CADM1: variants seen among roughly 807,000 people sequenced by gnomAD.
CADM1 encodes the protein TSLC-1.
Under a neutral mutation model 53.1 loss-of-function variants are expected in CADM1, and 15 were observed. That is an observed-to-expected ratio of 0.28 (90% CI 0.19 to 0.44). The LOEUF is 0.44. Ranked by LOEUF, CADM1 falls within the 20% of genes least tolerant of loss-of-function variation. CADM1 has a pLI of 1.00. For missense variants in CADM1, 434 were observed against 611.3 expected, an observed-to-expected ratio of 0.71 and a Z score of 3.06; for synonymous variants, 281 against 243.0, an observed-to-expected ratio of 1.16 and a Z score of -1.45.
intron 1 of CADM1, among the ~76,000 whole-genome samples, chr11:115,404,123 C>T (rs1465184036): frequency 6.8e-6 from 1 of 147,682 alleles, no homozygotes; most frequent in African/African-American, 2.5e-5. Flanking sequence ...GTCAGATGTT[C>T]GAGACCAGCC....
chr11:115,474,704 G>T (rs56125359), intron 1 of CADM1, among the ~76,000 whole-genome samples: 1 of 129,062 alleles, frequency 7.7e-6, no homozygotes, highest in Non-Finnish European at 1.6e-5. Context: ...GTCGTGGGGT[G>T]GGGGGAGGGG....
intron 1 of CADM1, among the ~76,000 whole-genome samples, chr11:115,257,764 T>C (rs1480537292): frequency 6.6e-6 from 1 of 152,234 alleles, no homozygotes; most frequent in Non-Finnish European, 1.5e-5. Context: ...CTTAGCTCTA[T>C]GCCAGGCCAC....
chr11:115,333,706 C>T (rs1229105100), intron 1 of CADM1: 1 of 152,146 alleles, frequency 6.6e-6, no homozygotes, highest in Admixed American at 6.6e-5. Flanking sequence ...GCAAGCAGCT[C>T]TACTGTGGGC....
intron 1 of CADM1, among the ~76,000 whole-genome samples, chr11:115,267,142 A>C (rs569772953): frequency 1.3e-5 from 2 of 152,372 alleles, no homozygotes; most frequent in South Asian, 2.1e-4. Flanking sequence ...GCTGCCATGC[A>C]CTGAGGTGAT....
At chr11:115,263,189 T>C (rs1255658705) in intron 1 of CADM1, among the ~76,000 whole-genome samples, 2 of 152,254 alleles carry the variant, frequency 1.3e-5, no homozygotes, top group Non-Finnish European at 2.9e-5. Flanking sequence ...GTCAAGGTGA[T>C]GTATGCCAGG....
intron 1 of CADM1, chr11:115,445,821 G>T: frequency 2.2e-6 from 1 of 448,826 alleles, no homozygotes; most frequent in Non-Finnish European, 4.5e-6. Context: ...CTCCAGCCTG[G>T]GTGATGAAGT....
intron 1 of CADM1, among the ~76,000 whole-genome samples, chr11:115,288,412 A>C (rs1943789006): frequency 6.6e-6 from 1 of 152,210 alleles, no homozygotes; most frequent in Admixed American, 6.5e-5. Context: ...TATGAAATCA[A>C]CAATCACCTT....
rs1380372595 is a variant in CADM1 at position 115,404,775 on chromosome 11, T to G, written c.124+99496A>C. On this transcript the variant is annotated intron_variant, in intron 1 of 11. Transcript: ENST00000331581. ...TGGGAGGCTGAGTTGCGGGGATCAC[T>G]TGAGCCCCCGAGGTCAAGACTGCAG... 8.7e-5 allele frequency among the ~76,000 whole-genome samples: 13 copies of G among 149,456 alleles called. No homozygotes were observed. The East Asian group carries it at 2.6e-3, about 30-fold the overall frequency.
intron 11 of CADM1, 36 bp downstream of exon 11, chr11:115,178,608 G>C: frequency 6.2e-7 from 1 of 1,608,656 alleles, no homozygotes; most frequent in African/African-American, 1.3e-5. Context: ...GAAGCTGTGG[G>C]GACACGCTGC....
intron 1 of CADM1, among the ~76,000 whole-genome samples, chr11:115,385,111 A>C (rs1168376683): frequency 1.3e-5 from 2 of 151,636 alleles, no homozygotes; most frequent in Admixed American, 6.6e-5. Flanking sequence ...GAAAACATAC[A>C]TTCATACTCA....
chr11:115,350,356 A>G (rs2135056753), intron 1 of CADM1, among the ~76,000 whole-genome samples: 1 of 152,350 alleles, frequency 6.6e-6, no homozygotes, highest in East Asian at 1.9e-4. Flanking sequence ...TGATTCAGGA[A>G]GTATGTGAAA....
At position 115,254,549 on chromosome 11, in the gene CADM1, AACACACACACACACAC is replaced by A. The variant is rs58261564; in HGVS notation, c.125-14145_125-14130del. 3.8e-4 allele frequency among the ~76,000 whole-genome samples: 51 copies of A among 134,988 alleles called. 1 individual carries two copies. Among genetic ancestry groups the A allele is most frequent in the South Asian group, 7.8e-4 (3 of 3,844 alleles). 88.6% of individuals were successfully genotyped at this position (134,988 alleles called of 152,430 possible). A position where few individuals can be genotyped will look rare whatever the true frequency, so the allele number is the denominator to read the frequency against. On this transcript the variant is annotated intron_variant, in intron 1 of 11. Coordinates refer to ENST00000331581, the MANE Select transcript of CADM1 (RefSeq NM_001301043.2). ...AAGTTCCTAATGCGCAAGGGAGACA[AACACACACACACACAC>A]ACACACACACACACACACACACACA... is the stretch of plus-strand genomic sequence containing the variant.
At chr11:115,270,925 C>G (rs929301111) in intron 1 of CADM1, among the ~76,000 whole-genome samples, 3 of 152,200 alleles carry the variant, frequency 2.0e-5, no homozygotes, top group African/African-American at 7.2e-5. Context: ...CTGTGAACCA[C>G]TGGGAGTTTA....
At chr11:115,250,016 T>C (rs771545345) in intron 1 of CADM1, among the ~76,000 whole-genome samples, 26 of 152,290 alleles carry the variant, frequency 1.7e-4, no homozygotes, top group Non-Finnish European at 2.5e-4. Context: ...ACCATTCTCC[T>C]GCCTCAGCCT....
At chr11:115,378,353 C>T (rs925520201) in intron 1 of CADM1, among the ~76,000 whole-genome samples, 1 of 152,056 alleles carries the variant, frequency 6.6e-6, no homozygotes, top group African/African-American at 2.4e-5. Context: ...TCAGAAATTA[C>T]TCTCATTGGA....
chr11:115,224,527 C>T (rs1303367506), intron 5 of CADM1, among the ~76,000 whole-genome samples: 2 of 152,124 alleles, frequency 1.3e-5, no homozygotes, highest in East Asian at 3.9e-4. Flanking sequence ...AAAATATGCA[C>T]AAACACAAAA....
chr11:115,284,160 TGAG>T (rs1943669660), intron 1 of CADM1, among the ~76,000 whole-genome samples: 1 of 126,250 alleles, frequency 7.9e-6, no homozygotes, highest in Non-Finnish European at 1.6e-5. Flanking sequence ...GTGTGTATGG[TGAG>T]GAGGCAGAGA....
At chr11:115,304,087 G>T (rs1240627111) in intron 1 of CADM1, among the ~76,000 whole-genome samples, 1 of 152,046 alleles carries the variant, frequency 6.6e-6, no homozygotes, top group East Asian at 1.9e-4. Flanking sequence ...CAAATAGTCT[G>T]GTTAGAATAA....
chr11:115,382,798 C>T (rs1050544209), intron 1 of CADM1, among the ~76,000 whole-genome samples: 4 of 152,292 alleles, frequency 2.6e-5, no homozygotes, highest in Admixed American at 2.0e-4. Context: ...GATCCAGGAA[C>T]GCTAAATAGT....
Sources: gnomAD v4.1 joint callset for allele counts (sites outside exome capture counted in the v4.1 genomes callset) on GRCh38, gnomAD v4.1.1 for gene constraint, MANE v1.5 for transcripts, NCBI Gene and HGNC (gene_info 2026-07-23, HGNC 2026-07-21) for gene names.